The following MID1 variants were observed in gnomAD, a reference collection of about 807,000 sequenced individuals.
MID1 encodes the protein E3 ubiquitin-protein ligase Midline-1.
MID1 carries 7 observed loss-of-function variants against 40.4 expected under a neutral mutation model. That is an observed-to-expected ratio of 0.17 (90% CI 0.10 to 0.33). MID1 has a LOEUF of 0.33. Ranked by LOEUF, MID1 falls within the 10% of genes least tolerant of loss-of-function variation. The pLI is 1.00. For synonymous variants in MID1, 229 were observed against 221.2 expected (o/e 1.04, Z -0.31); for missense variants, 367 against 558.5 (o/e 0.66, Z 3.46).
At chrX:10,556,151 T>C (rs1242694691) in intron 2 of MID1, among the ~76,000 whole-genome samples, 1 of 111,329 alleles carries the variant, frequency 9.0e-6, no homozygotes, top group Non-Finnish European at 1.9e-5. Flanking sequence ...CTAGGCTTAC[T>C]GTGTATCATG....
intron 1 of MID1, among the ~76,000 whole-genome samples, chrX:10,669,535 C>G (rs1198977839): frequency 8.9e-6 from 1 of 112,095 alleles, no homozygotes; most frequent in Non-Finnish European, 1.9e-5. Context: ...ATAATTCTAG[C>G]TTTGTCCTCT....
At chrX:10,522,663 A>AT (rs1323951629) in intron 3 of MID1, among the ~76,000 whole-genome samples, 2 of 111,055 alleles carry the variant, frequency 1.8e-5, no homozygotes, top group African/African-American at 6.5e-5. Context: ...CGCCCAGCTA[A>AT]TTTTTTGTAT....
chrX:10,565,140 C>T (rs750038211), intron 2 of MID1: 6 of 331,102 alleles, frequency 1.8e-5, no homozygotes, highest in South Asian at 1.3e-4. Context: ...TACTTTTCTC[C>T]TGTGCTGCCA....
chrX:10,755,489 A>T (rs1376902416), intron 1 of MID1, among the ~76,000 whole-genome samples: 1 of 111,877 alleles, frequency 8.9e-6, no homozygotes, highest in Non-Finnish European at 1.9e-5. Flanking sequence ...TTCCTCGAGA[A>T]GCATAAGAAA....
At chrX:10,728,394 A>T (rs1569156825) in intron 1 of MID1, among the ~76,000 whole-genome samples, 2 of 111,747 alleles carry the variant, frequency 1.8e-5, no homozygotes, top group Non-Finnish European at 3.8e-5. Context: ...AGTTCAATAA[A>T]CGTTTATTGT....
Position 10,620,107 on chromosome X carries a change from G to T in MID1, c.-57+183C>A, listed in dbSNP as rs755988604. On this transcript the variant is annotated intron_variant, in intron 1 of 9. Transcript: ENST00000317552. ...GGGGGCGGGTGGCGAGGACCAGACCGGGGTGGCTCAGGTAAAATGTGCTTC... is the reference window on the plus strand; with the variant it reads ...GGGGGCGGGTGGCGAGGACCAGACCTGGGTGGCTCAGGTAAAATGTGCTTC... 3.6e-5 allele frequency among the ~76,000 whole-genome samples: 4 copies of T among 112,362 alleles called. No individual in the cohort carries two copies. The South Asian group carries it at 1.5e-3, about 42-fold the overall frequency.
intron 1 of MID1, among the ~76,000 whole-genome samples, chrX:10,698,335 C>A (rs2043173871): frequency 8.9e-6 from 1 of 112,348 alleles, no homozygotes; most frequent in African/African-American, 3.2e-5. Context: ...AAATGATGAT[C>A]TGCCTTAGTT....
chrX:10,824,658 T>TA (rs1453887595), intron 1 of MID1, among the ~76,000 whole-genome samples: 1 of 112,561 alleles, frequency 8.9e-6, no homozygotes, highest in African/African-American at 3.2e-5. Context: ...AATGGACTTT[T>TA]AAAAAATTGC....
At chrX:10,683,958 C>T (rs966503324) in intron 1 of MID1, among the ~76,000 whole-genome samples, 55 of 107,371 alleles carry the variant, frequency 5.1e-4, no homozygotes, top group African/African-American at 1.8e-3. Context: ...TTAGTAGAGA[C>T]GGGGTTTCAC....
intron 1 of MID1, among the ~76,000 whole-genome samples, chrX:10,683,770 C>CTTTTTTTTTTTT (rs34917176): frequency 6.7e-5 from 3 of 45,092 alleles, no homozygotes; most frequent in African/African-American, 3.2e-4. Flanking sequence ...TGCACGTCAT[C>CTTTTTTTTTTTT]TTTTTTTTTT....
chrX:10,481,749 G>A (rs1176004693), intron 5 of MID1, among the ~76,000 whole-genome samples: 1 of 112,333 alleles, frequency 8.9e-6, no homozygotes, highest in East Asian at 2.8e-4. Flanking sequence ...CCCGGCTAGT[G>A]CTTTTCTTTG....
At chrX:10,585,244 A>T (rs1935113663) in intron 1 of MID1, among the ~76,000 whole-genome samples, 1 of 111,089 alleles carries the variant, frequency 9.0e-6, no homozygotes, top group Non-Finnish European at 1.9e-5. Flanking sequence ...AGTATAAAAC[A>T]ATATAAAACA....
At chrX:10,496,812 T>C (rs1455936248) in intron 3 of MID1, among the ~76,000 whole-genome samples, 1 of 112,393 alleles carries the variant, frequency 8.9e-6, no homozygotes, top group Non-Finnish European at 1.9e-5. Flanking sequence ...TGAATTTTAT[T>C]CCTGATCATT....
At chrX:10,593,762 GACACACACACACAC>G (rs57390547) in intron 1 of MID1, among the ~76,000 whole-genome samples, 7 of 83,335 alleles carry the variant, frequency 8.4e-5, no homozygotes, top group East Asian at 7.8e-4. Context: ...CTGTCCCTCT[GACACACACACACAC>G]ACACACACAC....
At chrX:10,830,531 C>G (rs2044246258) in intron 1 of MID1, among the ~76,000 whole-genome samples, 1 of 112,287 alleles carries the variant, frequency 8.9e-6, no homozygotes. Flanking sequence ...GCAGAGGAAG[C>G]CAGAGAAAGT....
chrX:10,747,554 A>C (rs754989698), intron 1 of MID1, among the ~76,000 whole-genome samples: 1 of 112,453 alleles, frequency 8.9e-6, no homozygotes, highest in East Asian at 2.8e-4. Context: ...ATTTGGTTTG[A>C]CTATTTGAGA....
chrX:10,480,858 C>T (rs73492973), intron 5 of MID1, among the ~76,000 whole-genome samples: 3,123 of 111,848 alleles, frequency 0.028, 86 homozygotes, highest in African/African-American at 0.097. Flanking sequence ...TGTAAAAACA[C>T]GATACATTAC....
chrX:10,795,902 C>G (rs1324895583), intron 1 of MID1, among the ~76,000 whole-genome samples: 7 of 111,803 alleles, frequency 6.3e-5, no homozygotes, highest in Non-Finnish European at 1.1e-4. Context: ...TGGTTATAAT[C>G]CAAGAGCAAA....
chrX:10,648,420 T>C (rs770014738), intron 1 of MID1, among the ~76,000 whole-genome samples: 13 of 112,230 alleles, frequency 1.2e-4, no homozygotes, highest in African/African-American at 3.9e-4. Flanking sequence ...TGCATTATGA[T>C]ACTTTGAAAT....
Sources: gnomAD v4.1 joint callset for allele counts (sites outside exome capture counted in the v4.1 genomes callset) on GRCh38, gnomAD v4.1.1 for gene constraint, MANE v1.5 for transcripts, NCBI Gene and HGNC (gene_info 2026-07-23, HGNC 2026-07-21) for gene names.